The following TRMO variants were observed in gnomAD, a reference collection of about 807,000 sequenced individuals.
The protein encoded by TRMO is tRNA (adenine(37)-N6)-methyltransferase.
TRMO carries 30 observed loss-of-function variants against 37.2 expected under a neutral mutation model. The ratio of observed to expected loss-of-function variants is 0.81; its 90% CI spans 0.60 to 1.09. The LOEUF (loss-of-function observed/expected upper bound fraction) is 1.09. TRMO is among the 50% of genes least tolerant of loss of function. The probability of loss-of-function intolerance (pLI) is 0.00; values close to 1 mark genes in which losing one functional copy is unlikely to be tolerated. For missense variants in TRMO, 552 were observed against 549.5 expected, an observed-to-expected ratio of 1.00 and a Z score of -0.05; for synonymous variants, 239 against 199.4, an observed-to-expected ratio of 1.20 and a Z score of -1.67.
In TRMO at chr9:97,904,888, G is replaced by A; in HGVS notation, c.1171C>T (p.Leu391Phe). 1 of 1,614,194 alleles carries A rather than the reference G, an allele frequency of 6.2e-7. No individual in the cohort carries two copies. The highest frequency in any genetic ancestry group is 8.5e-7 in the Non-Finnish European group (1 of 1,180,040). Residue 391 changes from leucine (L) to phenylalanine (F), a missense_variant, in exon 5 of 5, where the codon CTT becomes TTT. By Grantham distance (22) the Leu-to-Phe change is conservative (BLOSUM62 0). Transcript: ENST00000375119. ...AAGTAGAAAAGGCGGTCCTGGCAAA[G>A]CTTCCGGCGGTACACAGACCGAGGA... ...ADPRSVYRRK[L>F]CQDRLFYFTV...
intron 4 of TRMO, among the ~76,000 whole-genome samples, chr9:97,907,946 A>G (rs1825926889): frequency 6.6e-6 from 1 of 152,036 alleles, no homozygotes; most frequent in South Asian, 2.1e-4. Context: ...CTTTGCTCAT[A>G]TGTGTCTTTC....
At chr9:97,907,053 A>G (rs1403187434) in intron 4 of TRMO, among the ~76,000 whole-genome samples, 2 of 152,168 alleles carry the variant, frequency 1.3e-5, no homozygotes, top group Non-Finnish European at 2.9e-5. Flanking sequence ...TCTATCAACA[A>G]AACTTTTAAA....
At chr9:97,917,906 T>C (rs1380215041) in intron 1 of TRMO, among the ~76,000 whole-genome samples, 1 of 148,756 alleles carries the variant, frequency 6.7e-6, no homozygotes, top group East Asian at 2.0e-4. Flanking sequence ...GGTCTTAAAC[T>C]CCTGACCTCC....
At chr9:97,898,818 C>T in the TRMO span, among the ~76,000 whole-genome samples, 100,054 of 139,628 alleles carry the variant, frequency 0.72, 37,265 homozygotes, top group East Asian at 0.92. Context: ...ATTATAATTG[C>T]ATTTTCATAT....
At chr9:97,920,980 C>T (rs1407614780) in intron 1 of TRMO, among the ~76,000 whole-genome samples, 1 of 152,236 alleles carries the variant, frequency 6.6e-6, no homozygotes, top group South Asian at 2.1e-4. Flanking sequence ...ACACTTTAGA[C>T]TTCTAGCTCC....
At position 97,916,312 on chromosome 9, in the gene TRMO, A is replaced by G. The variant is rs1280376213; in HGVS notation, c.103T>C (p.Tyr35His). 6.2e-7 allele frequency: 1 copy of G among 1,613,334 alleles called. No individual in the cohort carries two copies. Among genetic ancestry groups the G allele is most frequent in the South Asian group, 1.1e-5 (1 of 90,832 alleles). The change falls in exon 2 of 5, where the codon TAC becomes CAC. Residue 35 changes from tyrosine (Y) to histidine (H), a missense_variant. Transcript: ENST00000375119. ...TGNLLTEPVG[Y>H]LESCFSAKNG... The stretch of plus-strand genomic sequence containing the variant: ...TTGGCCGAGAAACAAGATTCCAAGT[A>G]GCCGACTGGCTCAGTTAAAAGATTC...
chr9:97,922,488 G>A lies in TRMO; in HGVS notation c.6C>T (p.Arg2=). 6.3e-7 allele frequency: 1 copy of A among 1,575,356 alleles called. No individual in the cohort carries two copies. The highest frequency in any genetic ancestry group is 8.6e-7 in the Non-Finnish European group (1 of 1,162,406). ...GCCGAGGCCCCGACTCCTCCAAGCC[G>A]CGCATGGCTACTGGTTGCTGAGGTG... M[R]GLEESGPRPT... is the part of the protein sequence containing the mutation. The change falls in exon 1 of 5, where the codon CGC becomes CGT. Residue 2 remains arginine (R), a synonymous_variant. Coordinates refer to ENST00000375119, the MANE Select transcript of TRMO (RefSeq NM_016481.5).
intron 2 of TRMO, among the ~76,000 whole-genome samples, chr9:97,913,801 T>C (rs917070264): frequency 1.3e-5 from 2 of 152,218 alleles, no homozygotes; most frequent in East Asian, 1.9e-4. Context: ...CAGTAGGAAC[T>C]TGAGAGACGT....
At position 97,904,853 on chromosome 9, in the gene TRMO, G is replaced by C. The variant is rs774866546; in HGVS notation, c.1206C>G (p.Asp402Glu). 70 of 1,614,120 alleles carry C rather than the reference G, an allele frequency of 4.3e-5. No homozygotes were observed. Among genetic ancestry groups the C allele is most frequent in the Non-Finnish European group, 5.5e-5 (65 of 1,180,056 alleles). ...CQDRLFYFTVDIAHVTCWFGD... is the reference protein window; with the variant it reads ...CQDRLFYFTVEIAHVTCWFGD... Reference sequence around the variant, plus strand: ...CAAACCAGCAAGTGACATGCGCTATGTCTACAGTAAAGTAGAAAAGGCGGT... The same window carrying C: ...CAAACCAGCAAGTGACATGCGCTATCTCTACAGTAAAGTAGAAAAGGCGGT... Residue 402 changes from aspartate to glutamate, a missense_variant, in exon 5 of 5, where the codon GAC (aspartate) becomes GAG (glutamate). Physicochemically the swap from Asp to Glu is conservative, Grantham distance 45 (BLOSUM62 2). Coordinates refer to ENST00000375119, the MANE Select transcript of TRMO (RefSeq NM_016481.5).
chr9:97,897,472 G>C, the TRMO span, among the ~76,000 whole-genome samples: 1 of 152,132 alleles, frequency 6.6e-6, no homozygotes, highest in Non-Finnish European at 1.5e-5. Context: ...ACCAATCTTA[G>C]ATCTCAGGTA....
At chr9:97,902,993 A>G (rs912446350), downstream of TRMO, among the ~76,000 whole-genome samples, 6 of 152,176 alleles carry the variant, frequency 3.9e-5, no homozygotes, top group Non-Finnish European at 7.3e-5. Context: ...TAGCCCAGGC[A>G]CAGTGGCTCA....
At chr9:97,916,781 C>T (rs140825612) in intron 1 of TRMO, among the ~76,000 whole-genome samples, 231 of 149,958 alleles carry the variant, frequency 1.5e-3, no homozygotes, top group Non-Finnish European at 2.9e-3. Flanking sequence ...TCTCGGCTCA[C>T]TGCAACTTCT....
downstream of TRMO, chr9:97,904,398 C>T (rs1040901586): frequency 1.3e-6 from 1 of 797,242 alleles, no homozygotes; most frequent in African/African-American, 1.8e-5. Context: ...GAATAGATCC[C>T]CTCAACTAGA....
Position 97,915,986 on chromosome 9 carries a change from C to T in TRMO, c.251+178G>A, listed in dbSNP as rs548755599. On this transcript the variant is annotated intron_variant, in intron 2 of 4. Coordinates refer to ENST00000375119, the MANE Select transcript of TRMO (RefSeq NM_016481.5). The stretch of plus-strand genomic sequence containing the variant: ...AGCTCGGGAGGCAGAGGTTACAGTG[C>T]GCTGCTATTGCACCACTGTACTCCA... 1.4e-4 allele frequency among the ~76,000 whole-genome samples: 21 copies of T among 152,142 alleles called. No individual in the cohort carries two copies. The South Asian group carries it at 2.1e-3, about 15-fold the overall frequency.
At chr9:97,900,458 C>A (rs1214921398), downstream of TRMO, among the ~76,000 whole-genome samples, 1 of 152,190 alleles carries the variant, frequency 6.6e-6, no homozygotes, top group Non-Finnish European at 1.5e-5. Context: ...GCCCTTATTC[C>A]CCTGTGCATT....
chr9:97,899,001 G>A, the TRMO span, among the ~76,000 whole-genome samples: 4 of 151,190 alleles, frequency 2.6e-5, no homozygotes, highest in Admixed American at 6.6e-5. Context: ...CACCACACCC[G>A]GCTAATTTTT....
intron 3 of TRMO, chr9:97,910,938 C>T (rs990695861): frequency 6.5e-5 from 34 of 525,118 alleles, no homozygotes; most frequent in African/African-American, 6.3e-4. Flanking sequence ...GCGCTTTCCC[C>T]ACGGTAGGGT....
intron 1 of TRMO, among the ~76,000 whole-genome samples, chr9:97,917,694 T>C (rs1014863694): frequency 1.3e-5 from 2 of 152,190 alleles, no homozygotes; most frequent in Non-Finnish European, 1.5e-5. Flanking sequence ...TGTTTGTTTT[T>C]TTGAGACAGA....
At chr9:97,907,790 C>T (rs564052545) in intron 4 of TRMO, among the ~76,000 whole-genome samples, 3 of 152,138 alleles carry the variant, frequency 2.0e-5, no homozygotes, top group Non-Finnish European at 4.4e-5. Context: ...ACCTCATATC[C>T]TTCCGCTCAG....
Sources: gnomAD v4.1 joint callset for allele counts (sites outside exome capture counted in the v4.1 genomes callset) on GRCh38, gnomAD v4.1.1 for gene constraint, MANE v1.5 for transcripts, NCBI Gene and HGNC (gene_info 2026-07-23, HGNC 2026-07-21) for gene names.